Variants in MACF1 observed in about 807,000 individuals in gnomAD.
The protein encoded by MACF1 is microtubule-actin cross-linking factor 1.
In MACF1, 193 loss-of-function variants were observed where a neutral mutation model predicts 854.8. The ratio of observed to expected loss-of-function variants is 0.23; its 90% CI spans 0.20 to 0.25. The LOEUF (loss-of-function observed/expected upper bound fraction) is 0.25, where lower values mean the gene tolerates loss of function less well. Ranked by LOEUF, MACF1 falls within the 10% of genes least tolerant of loss-of-function variation. The pLI, the probability that MACF1 is intolerant of heterozygous loss-of-function variation, is 1.00. For missense variants in MACF1, 7,722 were observed against 8,929.1 expected, an observed-to-expected ratio of 0.86 and a Z score of 5.45; for synonymous variants, 3,185 against 3,226.7, an observed-to-expected ratio of 0.99 and a Z score of 0.44.
At position 39,485,601 on chromosome 1, in the gene MACF1, G is replaced by A. The variant is rs1645091509; in HGVS notation, c.22475G>A (p.Ser7492Asn). ...GGGAGTCGAGCCGGGAGTCGAGCCAGCAGCCGGCGAGGAAGTGACGCTTCT... is the reference window on the plus strand; with the variant it reads ...GGGAGTCGAGCCGGGAGTCGAGCCAACAGCCGGCGAGGAAGTGACGCTTCT... ...RAGSRAGSRASSRRGSDASDF... is the reference protein window; with the variant it reads ...RAGSRAGSRANSRRGSDASDF... The change falls in exon 101 of 101, where the codon AGC becomes AAC. Residue 7492 changes from serine to asparagine, a missense_variant. Transcript: ENST00000564288. 7 of 1,614,150 alleles carry A rather than the reference G, an allele frequency of 4.3e-6. No individual in the cohort carries two copies. The highest frequency in any genetic ancestry group is 5.9e-6 in the Non-Finnish European group (7 of 1,179,998).
At chr1:39,215,184 A>C (rs913035414) in intron 1 of MACF1, 2 of 152,594 alleles carry the variant, frequency 1.3e-5, no homozygotes, top group Non-Finnish European at 2.9e-5. Flanking sequence ...TTCCTCTCTG[A>C]CCTCAAGGGA....
Position 39,431,031 on chromosome 1 carries a change from T to A in MACF1, c.17337+123T>A, listed in dbSNP as rs569470701. The A allele has an allele frequency of 6.6e-6, 6 of 903,564 alleles. No homozygotes were observed. The South Asian group carries it at 9.3e-5, about 14-fold the overall frequency. The allele number at this position is 903,564 out of a possible 1,614,324, so 56.0% of individuals were successfully genotyped here. ...TGGGCTCAAGCTAAATCTGGTGGAA[T>A]AAATATGTTTCATTGATGGGAAATG... On this transcript the variant is annotated intron_variant, in intron 66 of 100. Transcript: ENST00000564288.
At chr1:39,320,066 A>G (rs1026268627) in intron 31 of MACF1, among the ~76,000 whole-genome samples, 1 of 152,216 alleles carries the variant, frequency 6.6e-6, no homozygotes, top group Non-Finnish European at 1.5e-5. Context: ...CTCAGGAAAT[A>G]GTATGGCCAT....
At position 39,396,409 on chromosome 1, in the gene MACF1, A is replaced by T. The variant is rs767972623; in HGVS notation, c.15816+7751A>T. Among the ~76,000 whole-genome samples the T allele has an allele frequency of 2.0e-5, 3 of 152,218 alleles. No homozygotes were observed. In the South Asian group the frequency reaches 6.2e-4, roughly 32 times the overall value. On this transcript the variant is annotated intron_variant, in intron 58 of 100. Coordinates refer to ENST00000564288, the MANE Select transcript of MACF1 (RefSeq NM_001394062.1). Reference sequence around the variant, plus strand: ...ATTTGAGTTTACTAAAATTCTTCACATACAGTATCAGTATGTAGCATTCAC... The same window carrying T: ...ATTTGAGTTTACTAAAATTCTTCACTTACAGTATCAGTATGTAGCATTCAC...
At chr1:39,145,233 C>G (rs901190164) in intron 2 of MACF1, among the ~76,000 whole-genome samples, 4 of 152,160 alleles carry the variant, frequency 2.6e-5, no homozygotes, top group African/African-American at 7.2e-5. Context: ...TTTTCTGCAG[C>G]AGCCATTCCA....
At chr1:39,295,967 T>G in intron 20 of MACF1, 85 bp downstream of exon 20, 1 of 1,200,112 alleles carries the variant, frequency 8.3e-7, no homozygotes, top group Non-Finnish European at 1.2e-6. Flanking sequence ...TAGTGTGCTT[T>G]TGTTGTATAA....
intron 84 of MACF1, among the ~76,000 whole-genome samples, chr1:39,450,111 C>T (rs1486752530): frequency 6.6e-6 from 1 of 152,034 alleles, no homozygotes; most frequent in Non-Finnish European, 1.5e-5. Context: ...ATCCACCTGC[C>T]TCGGCGTCCC....
At chr1:39,463,568 T>A (rs7554206) in intron 93 of MACF1, 44 bp from the exon 94 acceptor site, 1 of 1,364,012 alleles carries the variant, frequency 7.3e-7, no homozygotes, top group South Asian at 1.2e-5. Flanking sequence ...AATAGGAAGT[T>A]TTGCTCTACC....
intron 49 of MACF1, among the ~76,000 whole-genome samples, chr1:39,363,376 T>C (rs962412738): frequency 6.6e-6 from 1 of 152,166 alleles, no homozygotes; most frequent in African/African-American, 2.4e-5. Context: ...ACATTTCAGG[T>C]TTATTTTTTT....
At chr1:39,389,345 T>G (rs1182905439) in intron 58 of MACF1, among the ~76,000 whole-genome samples, 5 of 145,166 alleles carry the variant, frequency 3.4e-5, no homozygotes, top group African/African-American at 5.2e-5. Flanking sequence ...TCTCTGGTTT[T>G]TGTGTGTTTT....
intron 2 of MACF1, among the ~76,000 whole-genome samples, chr1:39,173,500 C>T (rs1643981781): frequency 6.6e-6 from 1 of 152,152 alleles, no homozygotes. Context: ...CCTCTTCCAC[C>T]TACCACTTGT....
chr1:39,428,263 G>C lies in MACF1; in HGVS notation c.16779G>C (p.Leu5593=). The C allele has an allele frequency of 1.2e-6, 2 of 1,612,074 alleles. No homozygotes were observed. The highest frequency in any genetic ancestry group is 2.2e-5 in the East Asian group (1 of 44,838). ...TAAAGGATTTCAAACAGGATGTCCTGCACAGGCAGCATGCTGACCACCTGG... is the reference window on the plus strand; with the variant it reads ...TAAAGGATTTCAAACAGGATGTCCTCCACAGGCAGCATGCTGACCACCTGG... The part of the protein sequence containing the change: ...VFVKDFKQDV[L]HRQHADHLAL... Residue 5593 remains leucine, a synonymous_variant, in exon 63 of 101, where the codon CTG becomes CTC. Coordinates refer to ENST00000564288, the MANE Select transcript of MACF1 (RefSeq NM_001394062.1).
chr1:39,399,273 T>C (rs1642384418), intron 58 of MACF1, among the ~76,000 whole-genome samples: 1 of 152,098 alleles, frequency 6.6e-6, no homozygotes, highest in African/African-American at 2.4e-5. Flanking sequence ...TTATTTCCTA[T>C]ATAGACCATA....
intron 2 of MACF1, among the ~76,000 whole-genome samples, chr1:39,126,203 T>C (rs1642856530): frequency 6.6e-6 from 1 of 152,184 alleles, no homozygotes; most frequent in African/African-American, 2.4e-5. Context: ...GCAGAGTTGA[T>C]TCCTTGTGAA....
chr1:39,251,804 C>T, intron 3 of MACF1, 42 bp from the exon 4 acceptor site: 1 of 1,128,054 alleles, frequency 8.9e-7, no homozygotes, highest in Non-Finnish European at 1.2e-6. Context: ...TTGTGAATTT[C>T]TTGTTCCTCT....
intron 2 of MACF1, among the ~76,000 whole-genome samples, chr1:39,120,742 G>A (rs1359590096): frequency 6.6e-6 from 1 of 152,170 alleles, no homozygotes; most frequent in East Asian, 1.9e-4. Context: ...TGAGGTACAT[G>A]AGATGTTTTG....
At chr1:39,386,227 T>C (rs1305981503) in intron 57 of MACF1, among the ~76,000 whole-genome samples, 2 of 150,592 alleles carry the variant, frequency 1.3e-5, no homozygotes, top group South Asian at 4.2e-4. Context: ...GTTCCACATA[T>C]ACTCTCATTG....
At chr1:39,366,742 T>C (rs993226271) in intron 49 of MACF1, among the ~76,000 whole-genome samples, 1 of 151,266 alleles carries the variant, frequency 6.6e-6, no homozygotes, top group Non-Finnish European at 1.5e-5. Context: ...TTATCCAGGC[T>C]GGAGTGCTAT....
At chr1:39,403,414 A>G (rs1464425659) in intron 58 of MACF1, among the ~76,000 whole-genome samples, 1 of 152,156 alleles carries the variant, frequency 6.6e-6, no homozygotes, top group African/African-American at 2.4e-5. Flanking sequence ...CTATATCTCT[A>G]TCCCAGCATT....
Sources: allele counts gnomAD v4.1 joint callset (sites outside exome capture counted in the v4.1 genomes callset), GRCh38; gene constraint gnomAD v4.1.1; transcripts MANE v1.5; gene names NCBI Gene and HGNC (gene_info 2026-07-23, HGNC 2026-07-21).